TRMT6: variants seen among roughly 807,000 people sequenced by gnomAD.
TRMT6 encodes the protein tRNA (adenine(58)-N(1))-methyltransferase non-catalytic subunit TRM6.
Under a neutral mutation model 59.0 loss-of-function variants are expected in TRMT6, and 34 were observed. The observed-to-expected ratio is 0.58, with a 90% confidence interval of 0.44 to 0.77. The LOEUF is 0.77. Ranked by LOEUF, TRMT6 falls within the 30% of genes least tolerant of loss-of-function variation. The pLI, the probability that TRMT6 is intolerant of heterozygous loss-of-function variation, is 0.00. For synonymous variants in TRMT6, 217 were observed against 210.5 expected (o/e 1.03, Z -0.27); for missense variants, 575 against 604.5 (o/e 0.95, Z 0.51).
At chr20:5,941,454 A>C (rs548647766) in intron 8 of TRMT6, 109 bp from the exon 9 acceptor site, 149 of 772,124 alleles carry the variant, frequency 1.9e-4, no homozygotes, top group Non-Finnish European at 3.1e-4. Flanking sequence ...ACTCACAAAG[A>C]GAAGAGATTT....
chr20:5,944,124 TTTAA>T, intron 4 of TRMT6, 34 bp downstream of exon 4: 1 of 1,366,538 alleles, frequency 7.3e-7, no homozygotes. Context: ...ATATAAGAAG[TTTAA>T]TATTGTGGGC....
intron 8 of TRMT6, 30 bp downstream of exon 8, chr20:5,941,921 G>A (rs2088659421): frequency 1.3e-6 from 2 of 1,581,742 alleles, no homozygotes; most frequent in Non-Finnish European, 1.7e-6. Context: ...CATGCACTGA[G>A]GAGTCTCCTG....
Position 5,937,558 on chromosome 20 carries a change from C to T in TRMT6, c.*977G>A, listed in dbSNP as rs1443634108. 1 of 152,190 alleles carries T rather than the reference C, an allele frequency of 6.6e-6. No individual in the cohort carries two copies. Among genetic ancestry groups the T allele is most frequent in the Non-Finnish European group, 1.5e-5 (1 of 68,030 alleles). 9.4% of individuals were successfully genotyped at this position (152,190 alleles called of 1,614,324 possible). Reference sequence around the variant, plus strand: ...GACAGAGTTCTTCAGCATTAATAATCAAGAAAGGCACTTTAGGGACATTTG... The same window carrying T: ...GACAGAGTTCTTCAGCATTAATAATTAAGAAAGGCACTTTAGGGACATTTG... On this transcript the variant is annotated 3_prime_UTR_variant, in exon 11 of 11. Transcript: ENST00000203001.
intron 1 of TRMT6, among the ~76,000 whole-genome samples, chr20:5,946,903 A>G (rs1373662796): frequency 6.6e-6 from 1 of 152,218 alleles, no homozygotes. Flanking sequence ...TAACACTGAC[A>G]ATGCTCTACT....
intron 1 of TRMT6, among the ~76,000 whole-genome samples, chr20:5,947,915 G>A (rs1249111375): frequency 6.6e-6 from 1 of 152,160 alleles, no homozygotes; most frequent in Non-Finnish European, 1.5e-5. Flanking sequence ...GCCAGGTGTA[G>A]TGGCACACAC....
Position 5,942,540 on chromosome 20 carries a change from C to A in TRMT6, c.914G>T (p.Ser305Ile), listed in dbSNP as rs755964297. The A allele has an allele frequency of 1.2e-6, 2 of 1,614,132 alleles. No individual in the cohort carries two copies. Among genetic ancestry groups the A allele is most frequent in the Non-Finnish European group, 1.7e-6 (2 of 1,180,022 alleles). The change falls in exon 7 of 11, where the codon AGC (serine) becomes ATC (isoleucine). Residue 305 changes from serine (S) to isoleucine (I), a missense_variant. Physicochemically the swap from Ser to Ile is moderately radical, Grantham distance 142. Transcript: ENST00000203001. ...GTTGCTCTCTGGGGCCTCTGCCATG[C>A]TGTCTTCATTCTCTTGTTCAGAAGC... ...KQASEQENEDSMAEAPESNHP... is the reference protein window; with the variant it reads ...KQASEQENEDIMAEAPESNHP...
intron 10 of TRMT6, among the ~76,000 whole-genome samples, chr20:5,939,257 T>C (rs566854475): frequency 2.6e-5 from 4 of 152,084 alleles, no homozygotes; most frequent in Non-Finnish European, 5.9e-5. Flanking sequence ...CTGAGGCAGG[T>C]GGATCACAAG....
At chr20:5,947,599 T>A (rs236184) in intron 1 of TRMT6, among the ~76,000 whole-genome samples, 9 of 152,262 alleles carry the variant, frequency 5.9e-5, no homozygotes, top group African/African-American at 2.2e-4. Context: ...GATTCAGATA[T>A]GGCCAATTCT....
intron 1 of TRMT6, among the ~76,000 whole-genome samples, chr20:5,949,920 G>C (rs1056102502): frequency 3.6e-5 from 5 of 139,206 alleles, no homozygotes; most frequent in African/African-American, 1.6e-4. Flanking sequence ...CTTCAGGACA[G>C]GTGATTAGGG....
chr20:5,942,647 T>A lies in TRMT6; in HGVS notation c.807A>T (p.Thr269=). ...CTGAAGATAACATCTTGGCAGAAAA[T>A]GTTCCATGTAGAAGACTGTCCACTT... ...LNKVDSLLHG[T]FSAKMLSSEP... is the part of the protein sequence containing the mutation. The change falls in exon 7 of 11, where the codon ACA becomes ACT. Residue 269 remains threonine, a synonymous_variant. Transcript: ENST00000203001. 6.2e-7 allele frequency: 1 copy of A among 1,613,902 alleles called. No individual in the cohort carries two copies. Among genetic ancestry groups the A allele is most frequent in the Non-Finnish European group, 8.5e-7 (1 of 1,179,962 alleles).
At chr20:5,946,565 A>G in intron 1 of TRMT6, 32 bp from the exon 2 acceptor site, 1 of 1,606,376 alleles carries the variant, frequency 6.2e-7, no homozygotes, top group Non-Finnish European at 8.5e-7. Context: ...TTAACTGAAT[A>G]TCTTTTCTAT....
chr20:5,942,780 C>G lies in TRMT6; in HGVS notation c.674G>C (p.Gly225Ala), dbSNP rs1466093604. ...TCCAGGGTATAGCTGAATAATGGAG[C>G]CAAAACCTGAACAGATAAAAGAAAC... Reference protein sequence around the residue: ...GAMMERMGGFGSIIQLYPGGG... With the variant: ...GAMMERMGGFASIIQLYPGGG... Residue 225 changes from glycine to alanine, a missense_variant, in exon 7 of 11, where the codon GGC becomes GCC. Transcript: ENST00000203001. 1 of 1,611,272 alleles carries G rather than the reference C, an allele frequency of 6.2e-7. No homozygotes were observed. Among genetic ancestry groups the G allele is most frequent in the Non-Finnish European group, 8.5e-7 (1 of 1,178,788 alleles).
At chr20:5,944,361 C>T (rs1165068747) in intron 3 of TRMT6, 108 bp from the exon 4 acceptor site, 3 of 615,966 alleles carry the variant, frequency 4.9e-6, no homozygotes, top group East Asian at 3.1e-5. Context: ...ATTCTCCAAT[C>T]CCTTTTCCAC....
intron 10 of TRMT6, among the ~76,000 whole-genome samples, chr20:5,940,431 C>T (rs932927432): frequency 1.3e-5 from 2 of 152,186 alleles, no homozygotes; most frequent in Admixed American, 6.5e-5. Flanking sequence ...CACAGTGATA[C>T]TGAGGCCTTG....
At chr20:5,946,590 A>T (rs2088709123) in intron 1 of TRMT6, 57 bp from the exon 2 acceptor site, 1 of 1,544,500 alleles carries the variant, frequency 6.5e-7, no homozygotes, top group South Asian at 1.1e-5. Flanking sequence ...TACAGAAAAG[A>T]CATGTTCACT....
At chr20:5,945,155 A>G (rs1270536761) in intron 2 of TRMT6, among the ~76,000 whole-genome samples, 1 of 152,196 alleles carries the variant, frequency 6.6e-6, no homozygotes, top group East Asian at 1.9e-4. Context: ...TTTAAATGCA[A>G]TTTGACTCAT....
intron 1 of TRMT6, among the ~76,000 whole-genome samples, chr20:5,949,864 G>T (rs1039574906): frequency 6.6e-6 from 1 of 152,128 alleles, no homozygotes. Flanking sequence ...AAAGGAGGGG[G>T]TGTCTCTGGA....
At chr20:5,944,499 G>C (rs2088687982) in intron 3 of TRMT6, among the ~76,000 whole-genome samples, 1 of 152,068 alleles carries the variant, frequency 6.6e-6, no homozygotes, top group African/African-American at 2.4e-5. Context: ...GGAGAAGAGA[G>C]GTAAAGGAAA....
rs781374629 is a variant in TRMT6 at position 5,938,499 on chromosome 20, G to A, written c.*36C>T. 6 of 1,589,094 alleles carry A rather than the reference G, an allele frequency of 3.8e-6. No individual in the cohort carries two copies. The highest frequency in any genetic ancestry group is 5.2e-6 in the Non-Finnish European group (6 of 1,164,860). On this transcript the variant is annotated 3_prime_UTR_variant, in exon 11 of 11. Coordinates refer to ENST00000203001, the MANE Select transcript of TRMT6 (RefSeq NM_015939.5). ...AAAGTTTAATTACTAACTGTATAAT[G>A]CCTGAGAACAAAATTCAGAGCAATT... is the stretch of plus-strand genomic sequence containing the variant.
Sources: allele counts gnomAD v4.1 joint callset (sites outside exome capture counted in the v4.1 genomes callset), GRCh38; gene constraint gnomAD v4.1.1; transcripts MANE v1.5; gene names NCBI Gene and HGNC (gene_info 2026-07-23, HGNC 2026-07-21).